OLFML2A: variants seen among roughly 807,000 people sequenced by gnomAD.
OLFML2A encodes the protein olfactomedin-like protein 2A.
In OLFML2A, 47 loss-of-function variants were observed where a neutral mutation model predicts 60.9. That is an observed-to-expected ratio of 0.77 (90% CI 0.61 to 0.98). OLFML2A has a LOEUF of 0.98. Among genes scored for constraint, OLFML2A ranks in the 50% least tolerant of loss-of-function variants. OLFML2A has a pLI of 0.00. For missense variants in OLFML2A, 922 were observed against 879.8 expected, an observed-to-expected ratio of 1.05 and a Z score of -0.61; for synonymous variants, 372 against 375.0, an observed-to-expected ratio of 0.99 and a Z score of 0.09.
chr9:124,797,766 C>T (rs1046923926), intron 3 of OLFML2A, among the ~76,000 whole-genome samples: 4 of 152,218 alleles, frequency 2.6e-5, no homozygotes. Flanking sequence ...TCCAAGTCCT[C>T]TCCAGTGAAC....
intron 6 of OLFML2A, among the ~76,000 whole-genome samples, 157 bp downstream of exon 6, chr9:124,804,499 G>A (rs1303316558): frequency 6.6e-6 from 1 of 152,052 alleles, no homozygotes; most frequent in Non-Finnish European, 1.5e-5. Context: ...CAAGGTGGAC[G>A]AATCACCTGA....
Position 124,796,257 on chromosome 9 carries a change from C to T in OLFML2A, c.462+1126C>T, listed in dbSNP as rs191356158. ...TATGTACCTACTATTGGCCAAGCCC[C>T]TGGCAGCAGGGGAGAAAGCTGACAC... On this transcript the variant is annotated intron_variant, in intron 3 of 7. Coordinates refer to ENST00000373580, the MANE Select transcript of OLFML2A (RefSeq NM_182487.4). 4.3e-3 allele frequency among the ~76,000 whole-genome samples: 656 copies of T among 152,352 alleles called. 7 individuals are homozygous for T. The highest frequency in any genetic ancestry group is 0.015 in the African/African-American group (622 of 41,582).
rs773687789 is a variant in OLFML2A at position 124,801,089 on chromosome 9, GA to G, written c.670-324del. On this transcript the variant is annotated intron_variant, in intron 4 of 7. Coordinates refer to ENST00000373580, the MANE Select transcript of OLFML2A (RefSeq NM_182487.4). ...AGGCTGGGAAGGTGAGCAGGTGGAG[GA>G]GGCTGCCTCCCAGGGAGCTGGTCCT... 20 of 1,543,600 alleles carry G rather than the reference GA, an allele frequency of 1.3e-5. No homozygotes were observed. The South Asian group carries it at 2.3e-4, about 18-fold the overall frequency.
chr9:124,796,536 T>C lies in OLFML2A; in HGVS notation c.462+1405T>C, dbSNP rs187680150. 1.6e-4 allele frequency among the ~76,000 whole-genome samples: 24 copies of C among 152,348 alleles called. No homozygotes were observed. In the East Asian group the frequency reaches 4.4e-3, roughly 28 times the overall value. ...TCTCCTGTTTTGCATTATCTTGCATTGCTCCTGTTAACCATGGTTTACTAA... is the reference window on the plus strand; with the variant it reads ...TCTCCTGTTTTGCATTATCTTGCATCGCTCCTGTTAACCATGGTTTACTAA... On this transcript the variant is annotated intron_variant, in intron 3 of 7. Transcript: ENST00000373580.
chr9:124,810,946 GC>G lies in OLFML2A; in HGVS notation c.*537del, dbSNP rs2131286596. 1 of 156,048 alleles carries G rather than the reference GC, an allele frequency of 6.4e-6. No individual in the cohort carries two copies. The highest frequency in any genetic ancestry group is 2.0e-4 in the South Asian group (1 of 4,946). The allele number at this position is 156,048 out of a possible 1,614,324, so 9.7% of individuals were successfully genotyped here. A position where few individuals can be genotyped will look rare whatever the true frequency, so the allele number is the denominator to read the frequency against. ...CCCTGGCTCTGCCTGCCATCCTAGG[GC>G]CCTGTTCTGGCTGAGCTGTTGGTGG... On this transcript the variant is annotated 3_prime_UTR_variant, in exon 8 of 8. Coordinates refer to ENST00000373580, the MANE Select transcript of OLFML2A (RefSeq NM_182487.4).
At chr9:124,789,312 G>A (rs1376375793) in intron 2 of OLFML2A, among the ~76,000 whole-genome samples, 1 of 152,138 alleles carries the variant, frequency 6.6e-6, no homozygotes, top group Non-Finnish European at 1.5e-5. Flanking sequence ...ACTGTGGAAG[G>A]TCTGAGATGT....
chr9:124,777,431 C>T lies in OLFML2A; in HGVS notation c.90+71C>T. On this transcript the variant is annotated intron_variant, in intron 1 of 7. Coordinates refer to ENST00000373580, the MANE Select transcript of OLFML2A (RefSeq NM_182487.4). This position sits in a 1 kb window ranked among gnomAD's most constrained non-coding sequence, Gnocchi z 6.2. ...GCGAGGGGGCGCTGTGGCTGGGGTG[C>T]GGCCCGGGAGGGAGCCCGGGGCCAG... is the stretch of plus-strand genomic sequence containing the variant. 8.2e-7 allele frequency: 1 copy of T among 1,214,178 alleles called. No homozygotes were observed. The highest frequency in any genetic ancestry group is 1.0e-6 in the Non-Finnish European group (1 of 974,726). 75.2% of individuals were successfully genotyped at this position (1,214,178 alleles called of 1,614,324 possible).
At position 124,795,042 on chromosome 9, in the gene OLFML2A, C is replaced by A; in HGVS notation, c.373C>A (p.Leu125Ile). The change falls in exon 3 of 8, where the codon CTC becomes ATC. Residue 125 changes from leucine to isoleucine, a missense_variant. Transcript: ENST00000373580. ...ELLKLQSMVD[L>I]LEGTLYSMDL... Reference sequence around the variant, plus strand: ...CGGGCAGCTGCAGTCCATGGTGGATCTCCTGGAGGGCACCCTGTACAGCAT... The same window carrying A: ...CGGGCAGCTGCAGTCCATGGTGGATATCCTGGAGGGCACCCTGTACAGCAT... 1.2e-6 allele frequency: 2 copies of A among 1,604,590 alleles called. No individual in the cohort carries two copies. The highest frequency in any genetic ancestry group is 1.7e-6 in the Non-Finnish European group (2 of 1,174,626).
Position 124,777,449 on chromosome 9 carries a change from G to A in OLFML2A, c.90+89G>A. The stretch of plus-strand genomic sequence containing the variant: ...TGGGGTGCGGCCCGGGAGGGAGCCC[G>A]GGGCCAGGGCGGAGGAGCCGGGAGC... On this transcript the variant is annotated intron_variant, in intron 1 of 7. Coordinates refer to ENST00000373580, the MANE Select transcript of OLFML2A (RefSeq NM_182487.4). The surrounding 1 kb of genome is among the most constrained non-coding windows in gnomAD (Gnocchi z 6.2). 2 of 1,178,758 alleles carry A rather than the reference G, an allele frequency of 1.7e-6. No homozygotes were observed. The highest frequency in any genetic ancestry group is 2.1e-6 in the Non-Finnish European group (2 of 945,038). 73.0% of individuals were successfully genotyped at this position (1,178,758 alleles called of 1,614,324 possible).
At chr9:124,793,053 A>C (rs1321968156) in intron 2 of OLFML2A, among the ~76,000 whole-genome samples, 1 of 152,226 alleles carries the variant, frequency 6.6e-6, no homozygotes, top group Non-Finnish European at 1.5e-5. Context: ...TCCCTGGCTT[A>C]AAACAGTTTG....
chr9:124,799,366 G>A lies in OLFML2A; in HGVS notation c.544G>A (p.Glu182Lys), dbSNP rs1841727854. 6.2e-7 allele frequency: 1 copy of A among 1,613,892 alleles called. No individual in the cohort carries two copies. The highest frequency in any genetic ancestry group is 8.5e-7 in the Non-Finnish European group (1 of 1,179,930). ...RHLSEQLRHY[E>K]NHSAIMLGIK... ...CCTCAGTGAGCAGTTGAGGCACTAT[G>A]AGAATCACTCTGCCATCATGCTGGG... Residue 182 changes from glutamate to lysine, a missense_variant, in exon 4 of 8, where the codon GAG becomes AAG. Transcript: ENST00000373580.
intron 1 of OLFML2A, among the ~76,000 whole-genome samples, chr9:124,783,448 A>G (rs1263851742): frequency 6.6e-6 from 1 of 152,152 alleles, no homozygotes; most frequent in Non-Finnish European, 1.5e-5. Context: ...GTAACAGAGC[A>G]AGACCCTGTC....
At chr9:124,796,682 G>A (rs1353433667) in intron 3 of OLFML2A, among the ~76,000 whole-genome samples, 1 of 152,190 alleles carries the variant, frequency 6.6e-6, no homozygotes, top group Non-Finnish European at 1.5e-5. Context: ...AAACCTCCCG[G>A]GGGATAAGCA....
intron 1 of OLFML2A, among the ~76,000 whole-genome samples, chr9:124,784,997 A>G (rs1448218143): frequency 9.5e-6 from 1 of 105,670 alleles, no homozygotes; most frequent in African/African-American, 3.9e-5. Context: ...TGTGTTGCCC[A>G]GGCTGGAGTG....
At chr9:124,801,230 A>G (rs1009505712) in intron 4 of OLFML2A, among the ~76,000 whole-genome samples, 184 bp from the exon 5 acceptor site, 2 of 152,150 alleles carry the variant, frequency 1.3e-5, no homozygotes, top group Non-Finnish European at 2.9e-5. Context: ...GAGGAAACTG[A>G]GGCAAACCAG....
rs1842085249 is a variant in OLFML2A at position 124,814,870 on chromosome 9, G to T, written c.*4458G>T. 1 of 152,204 alleles carries T rather than the reference G, an allele frequency of 6.6e-6. No homozygotes were observed. The highest frequency in any genetic ancestry group is 2.4e-5 in the African/African-American group (1 of 41,446). The allele number at this position is 152,204 out of a possible 1,614,324, so 9.4% of individuals were successfully genotyped here. On this transcript the variant is annotated 3_prime_UTR_variant, in exon 8 of 8. Transcript: ENST00000373580. ...TATCTAAATAAAGACATGATCAAAG[G>T]TTTGATTTAAAAGTCTGGACTAAAT... is the stretch of plus-strand genomic sequence containing the variant.
chr9:124,805,007 T>G (rs955265932), intron 6 of OLFML2A, among the ~76,000 whole-genome samples: 7 of 152,160 alleles, frequency 4.6e-5, no homozygotes, highest in Admixed American at 4.6e-4. Context: ...CAAGCCCAGG[T>G]AGTATTTTCA....
chr9:124,802,331 G>A (rs1841794132), intron 5 of OLFML2A, among the ~76,000 whole-genome samples: 1 of 152,194 alleles, frequency 6.6e-6, no homozygotes, highest in Non-Finnish European at 1.5e-5. Flanking sequence ...GCTCTCTTCT[G>A]ATGTCCCAGA....
chr9:124,805,935 C>T (rs1176955743), intron 6 of OLFML2A, among the ~76,000 whole-genome samples: 1 of 150,642 alleles, frequency 6.6e-6, no homozygotes, highest in African/African-American at 2.4e-5. Context: ...CCTGCCTCAG[C>T]CTCCCAAGCA....
Sources: allele counts gnomAD v4.1 joint callset (sites outside exome capture counted in the v4.1 genomes callset), GRCh38; gene constraint gnomAD v4.1.1; non-coding constraint Gnocchi (gnomAD v3.1); transcripts MANE v1.5; gene names NCBI Gene and HGNC (gene_info 2026-07-23, HGNC 2026-07-21).